Variants in TOGARAM1 observed in about 807,000 individuals in gnomAD.
TOGARAM1 encodes the protein TOG array regulator of axonemal microtubules 1.
TOGARAM1 carries 100 observed loss-of-function variants against 166.6 expected under a neutral mutation model. The ratio of observed to expected loss-of-function variants is 0.60; its 90% CI spans 0.51 to 0.71. The LOEUF is 0.71. Among genes scored for constraint, TOGARAM1 ranks in the 30% least tolerant of loss-of-function variants. TOGARAM1 has a pLI of 0.00. For synonymous variants in TOGARAM1, 758 were observed against 763.8 expected (o/e 0.99, Z 0.13); for missense variants, 2,029 against 2,102.7 (o/e 0.96, Z 0.69).
chr14:44,985,985 T>C (rs1359292168), intron 1 of TOGARAM1, among the ~76,000 whole-genome samples: 1 of 152,222 alleles, frequency 6.6e-6, no homozygotes, highest in Non-Finnish European at 1.5e-5. Context: ...TTATAAGATT[T>C]ATGGCATTAT....
chr14:45,006,121 A>G lies in TOGARAM1; in HGVS notation c.2758A>G (p.Ile920Val). The change falls in exon 5 of 20, where the codon ATA becomes GTA. Residue 920 changes from isoleucine to valine, a missense_variant. Coordinates refer to ENST00000361462, the MANE Select transcript of TOGARAM1 (RefSeq NM_001308120.2). ...GCCTGTTCCTCCCATACCAAGGGGA[A>G]TAAGCCTTTTGCCTGATAAAGCTGA... ...TKPVPPIPRG[I>V]SLLPDKADLS... 1.2e-6 allele frequency: 2 copies of G among 1,614,144 alleles called. No homozygotes were observed. The highest frequency in any genetic ancestry group is 1.1e-5 in the South Asian group (1 of 91,080).
At chr14:45,014,210 T>G (rs1879984853) in intron 7 of TOGARAM1, among the ~76,000 whole-genome samples, 1 of 152,018 alleles carries the variant, frequency 6.6e-6, no homozygotes, top group Non-Finnish European at 1.5e-5. Flanking sequence ...TACGCCTGGC[T>G]AATTTTTTGT....
chr14:45,003,846 T>C (rs553873173), intron 3 of TOGARAM1, among the ~76,000 whole-genome samples: 125 of 138,372 alleles, frequency 9.0e-4, no homozygotes, highest in African/African-American at 3.4e-3. Context: ...TTTATAAATG[T>C]TAGTACAATA....
chr14:45,029,682 G>A (rs182530997), intron 10 of TOGARAM1, among the ~76,000 whole-genome samples: 2 of 152,132 alleles, frequency 1.3e-5, no homozygotes, highest in Non-Finnish European at 2.9e-5. Context: ...TGTGTGAACT[G>A]TTTATTACTC....
In TOGARAM1 at chr14:44,963,559, G is replaced by T; in HGVS notation, c.1138G>T (p.Gly380Ter). ...QAVEELKQVL[G>*]KFNPSSTPHS... is the part of the protein sequence containing the mutation. ...CGTCGAAGAACTAAAGCAGGTGCTG[G>T]GAAAATTTAACCCTAGTTCTACTCC... Residue 380 changes from glycine (G) to a stop codon, truncating the protein, a stop_gained, in exon 1 of 20, where the codon GGA (glycine) becomes TGA (stop). Coordinates refer to ENST00000361462, the MANE Select transcript of TOGARAM1 (RefSeq NM_001308120.2). LOFTEE classifies it high-confidence loss of function. The T allele has an allele frequency of 1.2e-6, 2 of 1,613,802 alleles. No individual in the cohort carries two copies. Among genetic ancestry groups the T allele is most frequent in the Non-Finnish European group, 1.7e-6 (2 of 1,179,834 alleles).
At chr14:45,018,056 T>C (rs756497622) in intron 7 of TOGARAM1, among the ~76,000 whole-genome samples, 3 of 152,200 alleles carry the variant, frequency 2.0e-5, no homozygotes, top group Admixed American at 6.6e-5. Context: ...TTTAAATAAA[T>C]GTTAGGTTGG....
intron 1 of TOGARAM1, among the ~76,000 whole-genome samples, chr14:44,966,119 C>T (rs1885522635): frequency 6.6e-6 from 1 of 151,484 alleles, no homozygotes; most frequent in Non-Finnish European, 1.5e-5. Context: ...CCCGCCTCGG[C>T]ATCCCAAAGT....
Position 45,004,076 on chromosome 14 carries a change from AT to A in TOGARAM1, c.2358del (p.Phe786LeufsTer113). On this transcript the variant is annotated frameshift_variant, in exon 4 of 20. Transcript: ENST00000361462. LOFTEE classifies it high-confidence loss of function. ...SHQEKVYASL[N>X]FGSKTQQTFG... ...TTTATTACAGTGTATGCTAGCCTCA[AT>A]TTTGGCAGTAAGACACAGCAAACAT... 4.3e-6 allele frequency: 7 copies of A among 1,614,010 alleles called. No individual in the cohort carries two copies. The highest frequency in any genetic ancestry group is 5.9e-6 in the Non-Finnish European group (7 of 1,179,942).
chr14:44,986,899 G>C (rs1229136709), intron 1 of TOGARAM1, among the ~76,000 whole-genome samples: 1 of 150,738 alleles, frequency 6.6e-6, no homozygotes, highest in Non-Finnish European at 1.5e-5. Context: ...CTAGCTCCTC[G>C]GGAGGCTGAG....
intron 1 of TOGARAM1, among the ~76,000 whole-genome samples, chr14:44,965,209 C>G (rs888041116): frequency 6.6e-6 from 1 of 152,140 alleles, no homozygotes; most frequent in Non-Finnish European, 1.5e-5. Context: ...CATATATCTC[C>G]TAAGAATGAC....
chr14:44,991,310 A>T (rs1352803882), intron 1 of TOGARAM1, among the ~76,000 whole-genome samples: 2 of 151,950 alleles, frequency 1.3e-5, no homozygotes, highest in East Asian at 3.9e-4. Flanking sequence ...CATATGTGAC[A>T]GTCTTTCTAA....
chr14:45,072,776 G>A (rs950752006), intron 19 of TOGARAM1, among the ~76,000 whole-genome samples: 3 of 151,980 alleles, frequency 2.0e-5, no homozygotes, highest in African/African-American at 7.3e-5. Flanking sequence ...GCAATGCAAA[G>A]GAGTATCTAG....
chr14:44,991,718 G>A (rs1248192340), intron 1 of TOGARAM1, among the ~76,000 whole-genome samples: 2 of 150,566 alleles, frequency 1.3e-5, no homozygotes, highest in Admixed American at 1.3e-4. Context: ...AGAGTATCAT[G>A]TGATTTATTT....
intron 7 of TOGARAM1, among the ~76,000 whole-genome samples, chr14:45,022,259 T>C (rs1216548234): frequency 6.6e-6 from 1 of 151,536 alleles, no homozygotes; most frequent in Non-Finnish European, 1.5e-5. Flanking sequence ...GGGCCTTTTC[T>C]GTCCTGCAGA....
chr14:45,014,758 T>C (rs1021088521), intron 7 of TOGARAM1, among the ~76,000 whole-genome samples: 1 of 152,244 alleles, frequency 6.6e-6, no homozygotes, highest in African/African-American at 2.4e-5. Context: ...GTGTTGCCTA[T>C]TAATAGAAAA....
In TOGARAM1 at chr14:45,028,264, A is replaced by T; in HGVS notation, c.3593A>T (p.Glu1198Val). 1 of 1,606,376 alleles carries T rather than the reference A, an allele frequency of 6.2e-7. No homozygotes were observed. Among genetic ancestry groups the T allele is most frequent in the Non-Finnish European group, 8.5e-7 (1 of 1,178,230 alleles). ...EKELFHNKDC[E>V]KKEKNSWERM... is the part of the protein sequence containing the mutation. ...GAACTGTTTCACAATAAAGATTGTGAAAAGAAGGAAAAAAATTCCTGGGAA... is the reference window on the plus strand; with the variant it reads ...GAACTGTTTCACAATAAAGATTGTGTAAAGAAGGAAAAAAATTCCTGGGAA... Residue 1198 changes from glutamate (E) to valine (V), a missense_variant, in exon 10 of 20, where the codon GAA becomes GTA. By Grantham distance (121) the Glu-to-Val change is moderately radical (BLOSUM62 -2). Around this residue, in one of 2 missense-constraint regions of TOGARAM1, gnomAD observed 1,453 missense variants for 1,432.2 expected, o/e 1.01. Transcript: ENST00000361462.
At chr14:44,979,029 G>T (rs1478102828) in intron 1 of TOGARAM1, among the ~76,000 whole-genome samples, 1 of 146,942 alleles carries the variant, frequency 6.8e-6, no homozygotes, top group Admixed American at 6.7e-5. Context: ...AGAAATAACA[G>T]ATAAAAAAAA....
chr14:44,981,841 C>CTT (rs56409455), intron 1 of TOGARAM1, among the ~76,000 whole-genome samples: 12 of 80,276 alleles, frequency 1.5e-4, no homozygotes, highest in African/African-American at 3.8e-4. Flanking sequence ...TTTTCACTTA[C>CTT]TTTTTTTTTT....
At chr14:45,036,005 C>A (rs1201313874) in intron 11 of TOGARAM1, among the ~76,000 whole-genome samples, 1 of 149,862 alleles carries the variant, frequency 6.7e-6, no homozygotes, top group Non-Finnish European at 1.5e-5. Context: ...TGATGTGTTT[C>A]TGTAGTCCCA....
Sources: allele counts gnomAD v4.1 joint callset (sites outside exome capture counted in the v4.1 genomes callset), GRCh38; gene constraint gnomAD v4.1.1; regional missense constraint gnomAD v4.1.1; transcripts MANE v1.5; gene names NCBI Gene and HGNC (gene_info 2026-07-23, HGNC 2026-07-21).